ZNRF3: variants seen among roughly 807,000 people sequenced by gnomAD.
ZNRF3 encodes the protein zinc and ring finger 3.
ZNRF3 carries 23 observed loss-of-function variants against 72.5 expected under a neutral mutation model. That is an observed-to-expected ratio of 0.32 (90% confidence interval 0.23 to 0.45). The LOEUF is 0.45. Among genes scored for constraint, ZNRF3 ranks in the 20% least tolerant of loss-of-function variants. The probability of loss-of-function intolerance (pLI) is 1.00; values close to 1 mark genes in which losing one functional copy is unlikely to be tolerated. For synonymous variants in ZNRF3, 610 were observed against 545.3 expected (o/e 1.12, Z -1.65); for missense variants, 1,169 against 1,272.1 (o/e 0.92, Z 1.23).
In ZNRF3 at chr22:29,049,529, A is replaced by C; in HGVS notation, c.1348A>C (p.Lys450Gln). The change falls in exon 8 of 9, where the codon AAG (lysine) becomes CAG (glutamine). Residue 450 changes from lysine (K) to glutamine (Q), a missense_variant. Lys to Gln is a moderately conservative substitution (Grantham distance 53). This residue lies in a region of ZNRF3 where 783 missense variants were observed against 731.4 expected (regional missense o/e 1.07). Coordinates refer to ENST00000544604, the MANE Select transcript of ZNRF3 (RefSeq NM_001206998.2). This position sits in a 1 kb window ranked among gnomAD's most constrained non-coding sequence, Gnocchi z 5.2. Reference protein sequence around the residue: ...YSPAHPFRRPKLSGRSFSKAA... With the variant: ...YSPAHPFRRPQLSGRSFSKAA... ...CCCAGCCCACCCCTTCCGCAGGCCCAAGTTGAGTGGCCGCAGCTTCTCCAA... is the reference window on the plus strand; with the variant it reads ...CCCAGCCCACCCCTTCCGCAGGCCCCAGTTGAGTGGCCGCAGCTTCTCCAA... 6.2e-7 allele frequency: 1 copy of C among 1,604,416 alleles called. No homozygotes were observed. The highest frequency in any genetic ancestry group is 8.5e-7 in the Non-Finnish European group (1 of 1,178,552).
At chr22:28,900,604 G>C (rs896607929) in intron 1 of ZNRF3, among the ~76,000 whole-genome samples, 1 of 152,188 alleles carries the variant, frequency 6.6e-6, no homozygotes, top group African/African-American at 2.4e-5. Flanking sequence ...CACCTGTCCA[G>C]GTTCAACAGC....
At chr22:28,947,479 T>C (rs1300012077) in intron 1 of ZNRF3, among the ~76,000 whole-genome samples, 1 of 152,254 alleles carries the variant, frequency 6.6e-6, no homozygotes, top group Non-Finnish European at 1.5e-5. Flanking sequence ...ATCAGTAGTG[T>C]ATGAGGATTC....
intron 1 of ZNRF3, among the ~76,000 whole-genome samples, chr22:28,962,372 G>C (rs1356526140): frequency 6.6e-6 from 1 of 152,192 alleles, no homozygotes; most frequent in Non-Finnish European, 1.5e-5. Flanking sequence ...AGGTAGGCTT[G>C]GAGTGCAGAG....
Position 29,012,857 on chromosome 22 carries a change from G to C in ZNRF3, c.426+25656G>C, listed in dbSNP as rs568732539. Among the ~76,000 whole-genome samples the C allele has an allele frequency of 2.0e-5, 3 of 152,304 alleles. No homozygotes were observed. In the South Asian group the frequency reaches 6.2e-4, roughly 32 times the overall value. On this transcript the variant is annotated intron_variant, in intron 2 of 8. Transcript: ENST00000544604. ...TTTAATATTTACAACTCTGTGATCT[G>C]GTTGGTACCCTGCTTTAAAGATGAA...
chr22:28,969,291 T>G (rs1398600100), intron 1 of ZNRF3, among the ~76,000 whole-genome samples: 1 of 152,230 alleles, frequency 6.6e-6, no homozygotes, highest in East Asian at 1.9e-4. Flanking sequence ...CATCTTTGCT[T>G]TATTCTGTTC....
At chr22:28,906,731 T>C (rs1349212946) in intron 1 of ZNRF3, among the ~76,000 whole-genome samples, 1 of 152,164 alleles carries the variant, frequency 6.6e-6, no homozygotes, top group Non-Finnish European at 1.5e-5. Flanking sequence ...GCAGCTACAA[T>C]AGAGAGACGT....
In ZNRF3 at chr22:29,049,456, C is replaced by T; in HGVS notation, c.1275C>T (p.Asp425=). The change falls in exon 8 of 9, where the codon GAC becomes GAT. Residue 425 remains aspartate (D), a synonymous_variant. Coordinates refer to ENST00000544604, the MANE Select transcript of ZNRF3 (RefSeq NM_001206998.2). This position sits in a 1 kb window ranked among gnomAD's most constrained non-coding sequence, Gnocchi z 5.2. The part of the protein sequence containing the change: ...YIRSYPPLHL[D]HSLAAHRCGL... The stretch of plus-strand genomic sequence containing the variant: ...GCAGCTACCCACCCCTCCACCTGGA[C>T]CACAGCCTGGCCGCTCACCGCTGCG... The T allele has an allele frequency of 6.2e-7, 1 of 1,605,452 alleles. No homozygotes were observed. The highest frequency in any genetic ancestry group is 8.5e-7 in the Non-Finnish European group (1 of 1,179,702).
chr22:28,920,479 C>T (rs2034493076), intron 1 of ZNRF3, among the ~76,000 whole-genome samples: 1 of 152,062 alleles, frequency 6.6e-6, no homozygotes, highest in Admixed American at 6.6e-5. Flanking sequence ...CCATGTTGGC[C>T]AGGCTTGTCT....
intron 1 of ZNRF3, among the ~76,000 whole-genome samples, chr22:28,978,447 C>T (rs1224039437): frequency 2.6e-5 from 4 of 152,258 alleles, no homozygotes; most frequent in Admixed American, 2.0e-4. Context: ...CCAGAACAGC[C>T]GTCTCAGACG....
chr22:29,036,210 C>CA lies in ZNRF3; in HGVS notation c.427-6280dup, dbSNP rs569070875. On this transcript the variant is annotated intron_variant, in intron 2 of 8. Transcript: ENST00000544604. The stretch of plus-strand genomic sequence containing the variant: ...ATGCACATATTACCCTTATAAATAG[C>CA]AAAAACTCTAAAGATGATCGTATTT... 2.1e-4 allele frequency among the ~76,000 whole-genome samples: 32 copies of CA among 152,194 alleles called. No individual in the cohort carries two copies. The South Asian group carries it at 5.6e-3, about 27-fold the overall frequency.
In ZNRF3 at chr22:29,001,573, G is replaced by A. The variant is rs138399588; in HGVS notation, c.426+14372G>A. Reference sequence around the variant, plus strand: ...TGCAACCTCCACCTCCTGTGTTCAAGCGATTCTCCTGCCTCAGCCTTCCGA... The same window carrying A: ...TGCAACCTCCACCTCCTGTGTTCAAACGATTCTCCTGCCTCAGCCTTCCGA... On this transcript the variant is annotated intron_variant, in intron 2 of 8. Transcript: ENST00000544604. Among the ~76,000 whole-genome samples the A allele has an allele frequency of 3.6e-3, 547 of 150,350 alleles. 3 individuals are homozygous for A. The highest frequency in any genetic ancestry group is 0.013 in the African/African-American group (521 of 40,844).
intron 2 of ZNRF3, among the ~76,000 whole-genome samples, chr22:29,003,299 G>A (rs1398818673): frequency 6.6e-6 from 1 of 151,952 alleles, no homozygotes; most frequent in Non-Finnish European, 1.5e-5. Context: ...GGCGGATCAC[G>A]AGGGCAGGAG....
intron 1 of ZNRF3, among the ~76,000 whole-genome samples, chr22:28,940,709 G>T (rs937888661): frequency 6.6e-6 from 1 of 152,150 alleles, no homozygotes; most frequent in Admixed American, 6.5e-5. Flanking sequence ...GAGTGAGTCT[G>T]ATTCTTTGGA....
At position 29,050,271 on chromosome 22, in the gene ZNRF3, T is replaced by TG. The variant is rs2037173109; in HGVS notation, c.2090_2091insG (p.Arg698GlnfsTer27). 1 of 1,597,926 alleles carries TG rather than the reference T, an allele frequency of 6.3e-7. No individual in the cohort carries two copies. Among genetic ancestry groups the TG allele is most frequent in the Non-Finnish European group, 8.5e-7 (1 of 1,178,708 alleles). Reference sequence around the variant, plus strand: ...GCTTCTCCTGGGGCCGCCCCTGACCTCAGGAGGACCTGGAAGGGGGGCCAC... The same window carrying TG: ...GCTTCTCCTGGGGCCGCCCCTGACCTGCAGGAGGACCTGGAAGGGGGGCCAC... On this transcript the variant is annotated frameshift_variant, in exon 8 of 9. Transcript: ENST00000544604. LOFTEE classifies it high-confidence loss of function.
intron 1 of ZNRF3, among the ~76,000 whole-genome samples, chr22:28,927,305 C>T (rs548761850): frequency 6.6e-6 from 1 of 152,134 alleles, no homozygotes; most frequent in African/African-American, 2.4e-5. Flanking sequence ...CCTGTAATCC[C>T]AGCACTTTGG....
At chr22:28,909,904 A>G (rs1231713597) in intron 1 of ZNRF3, among the ~76,000 whole-genome samples, 1 of 151,084 alleles carries the variant, frequency 6.6e-6, no homozygotes, top group Non-Finnish European at 1.5e-5. Context: ...CGCCCAGCTA[A>G]TTTAATTTTT....
At chr22:28,892,169 A>AACAACTTAC (rs1471795779) in intron 1 of ZNRF3, among the ~76,000 whole-genome samples, 1 of 152,218 alleles carries the variant, frequency 6.6e-6, no homozygotes, top group Non-Finnish European at 1.5e-5. Flanking sequence ...CACGAGTGCT[A>AACAACTTAC]CATGCCTCAG....
rs62235756 is a variant in ZNRF3 at position 28,890,792 on chromosome 22, A to G, written c.300+6726A>G. 3.3e-3 allele frequency among the ~76,000 whole-genome samples: 493 copies of G among 149,816 alleles called. 1 individual carries two copies. Among genetic ancestry groups the G allele is most frequent in the Non-Finnish European group, 5.1e-3 (347 of 67,534 alleles). ...TTTTTTTTTTTGTCAGGGTCTCACCATGTTGCCCAGGCTAGAGCACAGTGG... is the reference window on the plus strand; with the variant it reads ...TTTTTTTTTTTGTCAGGGTCTCACCGTGTTGCCCAGGCTAGAGCACAGTGG... On this transcript the variant is annotated intron_variant, in intron 1 of 8. Coordinates refer to ENST00000544604, the MANE Select transcript of ZNRF3 (RefSeq NM_001206998.2).
intron 2 of ZNRF3, chr22:29,018,126 G>C (rs574453186): frequency 2.0e-6 from 1 of 507,908 alleles, no homozygotes; most frequent in South Asian, 1.4e-5. Flanking sequence ...CCAAAGGAGA[G>C]TCTTGAACAT....
Sources: gnomAD v4.1 joint callset for allele counts (sites outside exome capture counted in the v4.1 genomes callset) on GRCh38, gnomAD v4.1.1 for gene constraint, gnomAD v4.1.1 regional missense constraint, Gnocchi (gnomAD v3.1) non-coding constraint, MANE v1.5 for transcripts, NCBI Gene and HGNC (gene_info 2026-07-23, HGNC 2026-07-21) for gene names.